PSMA3: variants seen among roughly 807,000 people sequenced by gnomAD.
The protein encoded by PSMA3 is proteasome subunit alpha type-3.
A neutral mutation model predicts 40.0 loss-of-function variants in PSMA3; 8 were observed. The observed-to-expected ratio is 0.20, with a 90% CI of 0.12 to 0.36. The LOEUF (loss-of-function observed/expected upper bound fraction) is 0.36, where lower values mean the gene tolerates loss of function less well. PSMA3 is among the 10% of genes least tolerant of loss of function. PSMA3 has a pLI of 1.00. For synonymous variants in PSMA3, 110 were observed against 100.0 expected (o/e 1.10, Z -0.59); for missense variants, 219 against 310.6 (o/e 0.70, Z 2.22).
intron 6 of PSMA3, among the ~76,000 whole-genome samples, chr14:58,261,834 T>C (rs1270222606): frequency 6.6e-6 from 1 of 152,136 alleles, no homozygotes; most frequent in Non-Finnish European, 1.5e-5. Context: ...AGGGCTGGTC[T>C]CAAACTCCTG....
At chr14:58,245,089 C>G in intron 1 of PSMA3, 148 bp downstream of exon 1, 2 of 973,882 alleles carry the variant, frequency 2.1e-6, no homozygotes, top group South Asian at 1.3e-5. Flanking sequence ...GGAGACCGGT[C>G]GTCTTTATCC....
At chr14:58,258,436 T>TTA (rs1449632186) in intron 5 of PSMA3, 1 of 66,556 alleles carries the variant, frequency 1.5e-5, no homozygotes, top group African/African-American at 5.9e-5. Flanking sequence ...TCTGCCTCTT[T>TTA]AAAAAAAAAA....
intron 8 of PSMA3, among the ~76,000 whole-genome samples, chr14:58,268,415 C>T (rs1269238715): frequency 6.6e-6 from 1 of 152,094 alleles, no homozygotes; most frequent in Non-Finnish European, 1.5e-5. Context: ...AATAAACATA[C>T]TATTTACATC....
At chr14:58,259,225 A>G (rs1053389379) in intron 5 of PSMA3, among the ~76,000 whole-genome samples, 12 of 152,180 alleles carry the variant, frequency 7.9e-5, no homozygotes, top group Non-Finnish European at 1.6e-4. Flanking sequence ...ATACCTTTCA[A>G]CTGAGCTCTG....
At chr14:58,268,504 C>T (rs1188374994) in intron 8 of PSMA3, among the ~76,000 whole-genome samples, 1 of 152,110 alleles carries the variant, frequency 6.6e-6, no homozygotes, top group African/African-American at 2.4e-5. Context: ...CCCCTCCGCC[C>T]TCCTAGTTTC....
chr14:58,253,009 G>C (rs986032520), intron 3 of PSMA3, among the ~76,000 whole-genome samples: 1 of 146,340 alleles, frequency 6.8e-6, no homozygotes, highest in African/African-American at 2.5e-5. Context: ...GTTTGAGACA[G>C]AGTCTGGCTC....
At chr14:58,248,547 G>A (rs886190223) in intron 2 of PSMA3, among the ~76,000 whole-genome samples, 1 of 152,178 alleles carries the variant, frequency 6.6e-6, no homozygotes, top group Non-Finnish European at 1.5e-5. Flanking sequence ...GATTATAGGC[G>A]TGAGTCACTG....
intron 6 of PSMA3, among the ~76,000 whole-genome samples, chr14:58,263,194 A>G (rs966580869): frequency 2.0e-5 from 3 of 151,986 alleles, no homozygotes; most frequent in African/African-American, 7.2e-5. Context: ...AATGTTGGCC[A>G]GGCCGGTCTC....
At chr14:58,255,121 G>A (rs1156836454) in intron 3 of PSMA3, among the ~76,000 whole-genome samples, 1 of 150,640 alleles carries the variant, frequency 6.6e-6, no homozygotes, top group East Asian at 1.9e-4. Context: ...AATACCTAAT[G>A]GTTTCATTTA....
At chr14:58,271,063 T>C in intron 10 of PSMA3, 65 bp downstream of exon 10, 2 of 1,259,958 alleles carry the variant, frequency 1.6e-6, no homozygotes, top group Non-Finnish European at 2.2e-6. Context: ...GCCCAGGAGT[T>C]TGAGACCAGC....
rs1170296182 is a variant in PSMA3 at position 58,271,018 on chromosome 14, C to G, written c.723+20C>G. 2 of 1,573,854 alleles carry G rather than the reference C, an allele frequency of 1.3e-6. No individual in the cohort carries two copies. Among genetic ancestry groups the G allele is most frequent in the South Asian group, 2.3e-5 (2 of 87,428 alleles). Reference sequence around the variant, plus strand: ...GCTAAGGTAAGCCACAGCACAAAAACTTCTCTTGGCCAGGTACAGTCAGGG... The same window carrying G: ...GCTAAGGTAAGCCACAGCACAAAAAGTTCTCTTGGCCAGGTACAGTCAGGG... On this transcript the variant is annotated intron_variant, in intron 10 of 10. Coordinates refer to ENST00000216455, the MANE Select transcript of PSMA3 (RefSeq NM_002788.4).
intron 5 of PSMA3, 191 bp downstream of exon 5, chr14:58,258,189 G>C: frequency 2.0e-6 from 1 of 512,046 alleles, no homozygotes; most frequent in Non-Finnish European, 3.5e-6. Flanking sequence ...TGTAATCCCA[G>C]TACTTTGGGA....
chr14:58,268,369 C>G (rs985359131), intron 8 of PSMA3, among the ~76,000 whole-genome samples: 1 of 152,058 alleles, frequency 6.6e-6, no homozygotes, highest in African/African-American at 2.4e-5. Context: ...TCTAACAATA[C>G]GTGGAAGAAA....
At chr14:58,266,667 A>C (rs1005228811) in intron 7 of PSMA3, 5 of 152,340 alleles carry the variant, frequency 3.3e-5, no homozygotes, top group African/African-American at 9.6e-5. Flanking sequence ...TCTTGAAATC[A>C]AATCCAATCC....
intron 3 of PSMA3, among the ~76,000 whole-genome samples, chr14:58,256,101 G>C (rs952137912): frequency 2.0e-5 from 3 of 152,092 alleles, no homozygotes; most frequent in Non-Finnish European, 2.9e-5. Context: ...TGATCCCCCT[G>C]CCTCGGCCTC....
At chr14:58,245,391 C>CT (rs1889857703) in intron 1 of PSMA3, 1 of 182,316 alleles carries the variant, frequency 5.5e-6, no homozygotes, top group African/African-American at 2.3e-5. Context: ...CCTTCTCTGT[C>CT]TTTAAGTGTG....
intron 5 of PSMA3, 35 bp downstream of exon 5, chr14:58,258,033 C>G (rs1358210809): frequency 1.4e-6 from 2 of 1,478,086 alleles, no homozygotes; most frequent in South Asian, 1.1e-5. Flanking sequence ...AAAGGCAGAT[C>G]TGTACTATAG....
At chr14:58,250,246 A>T (rs1318189730) in intron 2 of PSMA3, among the ~76,000 whole-genome samples, 3 of 124,940 alleles carry the variant, frequency 2.4e-5, no homozygotes, top group Non-Finnish European at 5.1e-5. Context: ...ATAGGGACAG[A>T]GTTTCAAAAT....
chr14:58,260,024 C>T (rs1481969071), intron 5 of PSMA3, among the ~76,000 whole-genome samples: 3 of 152,048 alleles, frequency 2.0e-5, no homozygotes, highest in Non-Finnish European at 2.9e-5. Flanking sequence ...AAGGAAATGA[C>T]GGTAGGGATG....
Sources: gnomAD v4.1 joint callset for allele counts (sites outside exome capture counted in the v4.1 genomes callset) on GRCh38, gnomAD v4.1.1 for gene constraint, MANE v1.5 for transcripts, NCBI Gene and HGNC (gene_info 2026-07-23, HGNC 2026-07-21) for gene names.